Variants in FLRT2 observed in about 807,000 individuals in gnomAD.
The protein encoded by FLRT2 is leucine-rich repeat transmembrane protein FLRT2.
Under a neutral mutation model 40.0 loss-of-function variants are expected in FLRT2, and 15 were observed. The observed-to-expected ratio is 0.38, with a 90% CI of 0.25 to 0.58. The LOEUF is 0.58. Ranked by LOEUF, FLRT2 falls within the 20% of genes least tolerant of loss-of-function variation. The pLI, the probability that FLRT2 is intolerant of heterozygous loss-of-function variation, is 0.71. For synonymous variants in FLRT2, 380 were observed against 336.8 expected (o/e 1.13, Z -1.41); for missense variants, 726 against 840.0 (o/e 0.86, Z 1.68).
chr14:85,623,364 T>C lies in FLRT2; in HGVS notation c.1850T>C (p.Leu617Pro). 1 of 1,522,144 alleles carries C rather than the reference T, an allele frequency of 6.6e-7. No homozygotes were observed. The highest frequency in any genetic ancestry group is 8.8e-7 in the Non-Finnish European group (1 of 1,136,908). The allele number at this position is 1,522,144 out of a possible 1,614,324, so 94.3% of individuals were successfully genotyped here. ...ATCGTCTCCTTAAATAACGATCAAC[T>C]CCTTAAAGGAGATTTCAGACTGCAG... The part of the protein sequence containing the change: ...FQIVSLNNDQ[L>P]LKGDFRLQPI... Residue 617 changes from leucine to proline, a missense_variant, in exon 2 of 2, where the codon CTC becomes CCC. Physicochemically the swap from Leu to Pro is moderately conservative, Grantham distance 98 (BLOSUM62 -3). Around this residue, in one of 3 missense-constraint regions of FLRT2, gnomAD observed 611 missense variants for 690.0 expected, o/e 0.89. Coordinates refer to ENST00000330753, the MANE Select transcript of FLRT2 (RefSeq NM_013231.6).
chr14:85,566,161 A>G (rs1179779580), intron 1 of FLRT2, among the ~76,000 whole-genome samples: 1 of 152,158 alleles, frequency 6.6e-6, no homozygotes, highest in African/African-American at 2.4e-5. Context: ...CCATGAAGTA[A>G]TCTGATGATT....
chr14:85,543,788 C>T (rs1889117336), intron 1 of FLRT2, among the ~76,000 whole-genome samples: 1 of 152,200 alleles, frequency 6.6e-6, no homozygotes, highest in Non-Finnish European at 1.5e-5. Context: ...ATTTGGCAAA[C>T]TCTTCCTTTA....
rs748669304 is a variant in FLRT2, at chr14:85,622,000, A to G, written c.486A>G (p.Lys162=). The G allele has an allele frequency of 1.2e-6, 2 of 1,608,046 alleles. No homozygotes were observed. The highest frequency in any genetic ancestry group is 2.2e-5 in the South Asian group (2 of 89,926). Residue 162 remains lysine, a synonymous_variant, in exon 2 of 2, where the codon AAA becomes AAG. Coordinates refer to ENST00000330753, the MANE Select transcript of FLRT2 (RefSeq NM_013231.6). The stretch of plus-strand genomic sequence containing the variant: ...CCTTCCGGGAGGCTATTAGCCTCAA[A>G]TTGTTGTTTTTGTCTAAGAATCACC... The part of the protein sequence containing the change: ...DGAFREAISL[K]LLFLSKNHLS...
Position 85,652,584 on chromosome 14 carries a change from T to G in FLRT2, c.*29087T>G, listed in dbSNP as rs1894459697. On this transcript the variant is annotated 3_prime_UTR_variant, in exon 2 of 2. Coordinates refer to ENST00000330753, the MANE Select transcript of FLRT2 (RefSeq NM_013231.6). ...GAATAAAATATTATACAACTTTAAA[T>G]AAATTTAAGATGACATTATGACTTA... The G allele has an allele frequency of 6.6e-6, 1 of 152,188 alleles. No homozygotes were observed. 9.4% of individuals were successfully genotyped at this position (152,188 alleles called of 1,614,324 possible).
chr14:85,570,881 G>A (rs956434409), intron 1 of FLRT2, among the ~76,000 whole-genome samples: 4 of 144,806 alleles, frequency 2.8e-5, no homozygotes, highest in African/African-American at 4.9e-5. Context: ...CACCACGCCC[G>A]GCCAAATTCC....
At chr14:85,548,834 G>A (rs746640672) in intron 1 of FLRT2, among the ~76,000 whole-genome samples, 16 of 152,174 alleles carry the variant, frequency 1.1e-4, no homozygotes, top group Non-Finnish European at 2.1e-4. Context: ...CCACCCGAAT[G>A]TTGCCTTTTC....
chr14:85,621,308 A>C lies in FLRT2; in HGVS notation c.-207A>C. The C allele has an allele frequency of 1.8e-6, 1 of 550,638 alleles. No homozygotes were observed. The highest frequency in any genetic ancestry group is 3.1e-6 in the Non-Finnish European group (1 of 319,280). 34.1% of individuals were successfully genotyped at this position (550,638 alleles called of 1,614,324 possible). A position where few individuals can be genotyped will look rare whatever the true frequency, so the allele number is the denominator to read the frequency against. On this transcript the variant is annotated 5_prime_UTR_variant, in exon 2 of 2. The change abolishes an upstream ATG in the 5' untranslated region. Transcript: ENST00000330753. ...ATTCTCCCTGTTGAATTTTTTGCACATGGAGGACAGCAGCAAAGAGGGCAA... is the reference window on the plus strand; with the variant it reads ...ATTCTCCCTGTTGAATTTTTTGCACCTGGAGGACAGCAGCAAAGAGGGCAA...
At position 85,638,684 on chromosome 14, in the gene FLRT2, A is replaced by G. The variant is rs918939030; in HGVS notation, c.*15187A>G. The G allele has an allele frequency of 1.3e-5, 2 of 152,140 alleles. No individual in the cohort carries two copies. Among genetic ancestry groups the G allele is most frequent in the Admixed American group, 6.5e-5 (1 of 15,268 alleles). The allele number at this position is 152,140 out of a possible 1,614,324, so 9.4% of individuals were successfully genotyped here. A position where few individuals can be genotyped will look rare whatever the true frequency, so the allele number is the denominator to read the frequency against. On this transcript the variant is annotated 3_prime_UTR_variant, in exon 2 of 2. Transcript: ENST00000330753. ...GAAAGTGTGAGGCTGGGCCCAAGGG[A>G]TTTCTTTACTTATTGAGCAGAGCGA... is the stretch of plus-strand genomic sequence containing the variant.
chr14:85,622,714 T>C lies in FLRT2; in HGVS notation c.1200T>C (p.Pro400=). The change falls in exon 2 of 2, where the codon CCT becomes CCC. Residue 400 remains proline, a synonymous_variant. Coordinates refer to ENST00000330753, the MANE Select transcript of FLRT2 (RefSeq NM_013231.6). ...NPSRSYTPPT[P]TTSKLPTIPD... The stretch of plus-strand genomic sequence containing the variant: ...GCAGAAGCTACACGCCTCCAACTCC[T>C]ACCACATCGAAACTTCCCACGATTC... 6.2e-7 allele frequency: 1 copy of C among 1,614,086 alleles called. No homozygotes were observed. The highest frequency in any genetic ancestry group is 2.2e-5 in the East Asian group (1 of 44,858).
In FLRT2 at chr14:85,639,341, C is replaced by A. The variant is rs1231736137; in HGVS notation, c.*15844C>A. 6.6e-6 allele frequency: 1 copy of A among 152,126 alleles called. No individual in the cohort carries two copies. Among genetic ancestry groups the A allele is most frequent in the Non-Finnish European group, 1.5e-5 (1 of 68,024 alleles). 9.4% of individuals were successfully genotyped at this position (152,126 alleles called of 1,614,324 possible). A position where few individuals can be genotyped will look rare whatever the true frequency, so the allele number is the denominator to read the frequency against. ...GACAGGAGTAAAAGATAATCGAATT[C>A]TCTTTGTGAAGTGATTTATGGTTTT... is the stretch of plus-strand genomic sequence containing the variant. On this transcript the variant is annotated 3_prime_UTR_variant, in exon 2 of 2. Coordinates refer to ENST00000330753, the MANE Select transcript of FLRT2 (RefSeq NM_013231.6).
intron 1 of FLRT2, among the ~76,000 whole-genome samples, chr14:85,613,638 G>A (rs1004127515): frequency 6.6e-5 from 10 of 152,214 alleles, no homozygotes; most frequent in Admixed American, 6.5e-4. Context: ...TCTTTGACTC[G>A]TTCATTTGTG....
chr14:85,584,474 T>C (rs1211268038), intron 1 of FLRT2, among the ~76,000 whole-genome samples: 2 of 152,128 alleles, frequency 1.3e-5, no homozygotes, highest in African/African-American at 4.8e-5. Flanking sequence ...CTAGATGGAG[T>C]GGCTCAATAC....
At position 85,622,426 on chromosome 14, in the gene FLRT2, G is replaced by C. The variant is rs1214800324; in HGVS notation, c.912G>C (p.Gln304His). 6 of 1,614,022 alleles carry C rather than the reference G, an allele frequency of 3.7e-6. No individual in the cohort carries two copies. Among genetic ancestry groups the C allele is most frequent in the Non-Finnish European group, 5.1e-6 (6 of 1,180,034 alleles). The change falls in exon 2 of 2, where the codon CAG becomes CAC. Residue 304 changes from glutamine (Q) to histidine (H), a missense_variant. By Grantham distance (24) the Gln-to-His change is conservative (BLOSUM62 0). Transcript: ENST00000330753. ...TTGATAATCTCTCCAACCTGAAGCA[G>C]CTCACTGCTCGGAATAACCCTTGGT... ...GVFDNLSNLK[Q>H]LTARNNPWFC...
intron 1 of FLRT2, among the ~76,000 whole-genome samples, chr14:85,553,409 C>T (rs1889761838): frequency 6.6e-6 from 1 of 151,936 alleles, no homozygotes; most frequent in African/African-American, 2.4e-5. Context: ...CTTCCTGGGG[C>T]CATATTGGAA....
chr14:85,592,619 T>G (rs558541141), intron 1 of FLRT2, among the ~76,000 whole-genome samples: 1 of 151,158 alleles, frequency 6.6e-6, no homozygotes, highest in Non-Finnish European at 1.5e-5. Flanking sequence ...TGAAACCCTA[T>G]CTCTACTAAA....
chr14:85,606,562 G>A (rs536837255), intron 1 of FLRT2, among the ~76,000 whole-genome samples: 1 of 128,478 alleles, frequency 7.8e-6, no homozygotes, highest in Admixed American at 9.5e-5. Flanking sequence ...GTGCTGCTCT[G>A]TTGCCAGACT....
rs746307142 is a variant in FLRT2, at chr14:85,621,289, CCT to C, written c.-225_-224del. The C allele has an allele frequency of 8.3e-5, 44 of 528,786 alleles. No homozygotes were observed. The highest frequency in any genetic ancestry group is 1.1e-4 in the Non-Finnish European group (34 of 303,946). 32.8% of individuals were successfully genotyped at this position (528,786 alleles called of 1,614,324 possible). On this transcript the variant is annotated 5_prime_UTR_variant, in exon 2 of 2. An upstream open reading frame in the 5' UTR loses its in-frame stop. Transcript: ENST00000330753. ...CTGTTGCCAGTGTGGAAAAATTCTC[CCT>C]GTTGAATTTTTTGCACATGGAGGAC...
At chr14:85,599,476 G>A (rs1892290210) in intron 1 of FLRT2, among the ~76,000 whole-genome samples, 1 of 152,122 alleles carries the variant, frequency 6.6e-6, no homozygotes, top group Non-Finnish European at 1.5e-5. Context: ...GGAGAAAACT[G>A]TGACCTAGTG....
chr14:85,547,116 A>G (rs527876432), intron 1 of FLRT2, among the ~76,000 whole-genome samples: 5 of 151,968 alleles, frequency 3.3e-5, no homozygotes, highest in East Asian at 1.9e-4. Flanking sequence ...TGTGCTGACA[A>G]TATTACTCTC....
Sources: gnomAD v4.1 joint callset for allele counts (sites outside exome capture counted in the v4.1 genomes callset) on GRCh38, gnomAD v4.1.1 for gene constraint, gnomAD v4.1.1 regional missense constraint, MANE v1.5 for transcripts, NCBI Gene and HGNC (gene_info 2026-07-23, HGNC 2026-07-21) for gene names.